Variants in ZNF546 observed in about 807,000 individuals in gnomAD.
ZNF546 encodes the protein CTC-471F3.6.
ZNF546 carries 60 observed loss-of-function variants against 76.2 expected under a neutral mutation model. The ratio of observed to expected loss-of-function variants is 0.79; its 90% CI spans 0.64 to 0.98. The LOEUF is 0.98. Ranked by LOEUF, ZNF546 falls within the 50% of genes least tolerant of loss-of-function variation. ZNF546 has a pLI of 0.00. For synonymous variants in ZNF546, 277 were observed against 328.1 expected (o/e 0.84, Z 1.68); for missense variants, 936 against 1,035.6 (o/e 0.90, Z 1.32).
rs577283530 is a variant in ZNF546 at position 40,018,538 on chromosome 19, A to G, written c.*2757A>G. On this transcript the variant is annotated 3_prime_UTR_variant, in exon 7 of 7. Transcript: ENST00000347077. ...TCCCATTCTGCATGTTCATCTTACA[A>G]TGTGATACCAACACTCCCCAAGAGG... The G allele has an allele frequency of 2.6e-5, 4 of 152,328 alleles. No homozygotes were observed. Among genetic ancestry groups the G allele is most frequent in the East Asian group, 3.9e-4 (2 of 5,188 alleles). The allele number at this position is 152,328 out of a possible 1,614,324, so 9.4% of individuals were successfully genotyped here. A position where few individuals can be genotyped will look rare whatever the true frequency, so the allele number is the denominator to read the frequency against.
Position 40,014,881 on chromosome 19 carries a change from A to G in ZNF546, c.1611A>G (p.Gln537=), listed in dbSNP as rs777728862. 3.7e-6 allele frequency: 6 copies of G among 1,613,632 alleles called. No homozygotes were observed. Among genetic ancestry groups the G allele is most frequent in the South Asian group, 1.1e-5 (1 of 91,072 alleles). The change falls in exon 7 of 7, where the codon CAA becomes CAG. Residue 537 remains glutamine, a synonymous_variant. Coordinates refer to ENST00000347077, the MANE Select transcript of ZNF546 (RefSeq NM_178544.5). ...CNECGKAFRL[Q]GELTRHHRIH... ...AATGTGGAAAAGCCTTTCGTCTTCA[A>G]GGAGAACTTACCCGACATCACAGAA...
At position 40,014,356 on chromosome 19, in the gene ZNF546, T is replaced by C. The variant is rs769129752; in HGVS notation, c.1086T>C (p.Cys362=). The C allele has an allele frequency of 6.2e-7, 1 of 1,613,972 alleles. No individual in the cohort carries two copies. The highest frequency in any genetic ancestry group is 8.5e-7 in the Non-Finnish European group (1 of 1,180,010). Residue 362 remains cysteine (C), a synonymous_variant, in exon 7 of 7, where the codon TGT becomes TGC. Transcript: ENST00000347077. ...AGAGGCCTTATGAATGTAAGGTTTG[T>C]GGCAAGACCTTTAGGGTACAACGAC... ...TGERPYECKV[C]GKTFRVQRHI... is the part of the protein sequence containing the mutation.
At chr19:40,002,608 G>A (rs1971543548) in intron 3 of ZNF546, among the ~76,000 whole-genome samples, 2 of 152,070 alleles carry the variant, frequency 1.3e-5, no homozygotes, top group African/African-American at 4.8e-5. Context: ...CCATGATGAT[G>A]GATTTGTTCT....
intron 6 of ZNF546, among the ~76,000 whole-genome samples, chr19:40,013,239 C>A (rs761180111): frequency 6.6e-6 from 1 of 152,170 alleles, no homozygotes; most frequent in African/African-American, 2.4e-5. Flanking sequence ...CCAAATAGCT[C>A]ACTGCCTGTT....
intron 6 of ZNF546, among the ~76,000 whole-genome samples, chr19:40,010,841 C>A (rs1971661740): frequency 6.6e-6 from 1 of 152,056 alleles, no homozygotes; most frequent in Non-Finnish European, 1.5e-5. Context: ...TGCCACCATG[C>A]CCAGCTAATT....
In ZNF546 at chr19:40,016,215, C is replaced by T. The variant is rs187296477; in HGVS notation, c.*434C>T. 4 of 185,880 alleles carry T rather than the reference C, an allele frequency of 2.2e-5. No homozygotes were observed. The highest frequency in any genetic ancestry group is 3.4e-5 in the Non-Finnish European group (3 of 88,922). 11.5% of individuals were successfully genotyped at this position (185,880 alleles called of 1,614,324 possible). ...GCTTGGTGACAGAGTGAGATCCTGT[C>T]TCTAAATAAATAAATAAAATGCGGG... On this transcript the variant is annotated 3_prime_UTR_variant, in exon 7 of 7. Transcript: ENST00000347077.
intron 5 of ZNF546, 35 bp downstream of exon 5, chr19:40,007,435 T>A (rs1439806513): frequency 1.9e-6 from 3 of 1,554,630 alleles, no homozygotes; most frequent in Non-Finnish European, 2.6e-6. Context: ...ACAATCTGTT[T>A]TCTGGAGTAT....
rs1054396146 is a variant in ZNF546 at position 40,017,265 on chromosome 19, T to C, written c.*1484T>C. The C allele has an allele frequency of 1.3e-5, 2 of 152,224 alleles. No homozygotes were observed. The highest frequency in any genetic ancestry group is 1.5e-5 in the Non-Finnish European group (1 of 68,038). The allele number at this position is 152,224 out of a possible 1,614,324, so 9.4% of individuals were successfully genotyped here. ...GAGTAAAGTTTTGAAGACTCAGGGA[T>C]AGCTGTAATGCTTTTTTCTTTTTAT... On this transcript the variant is annotated 3_prime_UTR_variant, in exon 7 of 7. Coordinates refer to ENST00000347077, the MANE Select transcript of ZNF546 (RefSeq NM_178544.5).
At chr19:40,004,532 G>C (rs747263306) in intron 3 of ZNF546, among the ~76,000 whole-genome samples, 2 of 152,108 alleles carry the variant, frequency 1.3e-5, no homozygotes, top group African/African-American at 4.8e-5. Context: ...GCCTCCCAGC[G>C]TGCTAGGATT....
rs757864021 is a variant in ZNF546 at position 40,008,546 on chromosome 19, G to A, written c.375G>A (p.Gly125=). Residue 125 remains glycine, a synonymous_variant, in exon 6 of 7, where the codon GGG becomes GGA. Coordinates refer to ENST00000347077, the MANE Select transcript of ZNF546 (RefSeq NM_178544.5). ...EKEPWIVMRE[G]TRNWFTDLEY... ...AGCCCTGGATAGTAATGAGGGAAGG[G>A]ACAAGGAATTGGTTCACAGGTGAGT... 6 of 1,613,022 alleles carry A rather than the reference G, an allele frequency of 3.7e-6. No homozygotes were observed. In the Admixed American group the frequency reaches 8.3e-5, roughly 22 times the overall value.
rs1971766071 is a variant in ZNF546, at chr19:40,016,226, TA to T, written c.*448del. 5.5e-6 allele frequency: 1 copy of T among 181,378 alleles called. No individual in the cohort carries two copies. Among genetic ancestry groups the T allele is most frequent in the South Asian group, 1.1e-4 (1 of 8,888 alleles). 11.2% of individuals were successfully genotyped at this position (181,378 alleles called of 1,614,324 possible). On this transcript the variant is annotated 3_prime_UTR_variant, in exon 7 of 7. Coordinates refer to ENST00000347077, the MANE Select transcript of ZNF546 (RefSeq NM_178544.5). ...GAGTGAGATCCTGTCTCTAAATAAATAAATAAAATGCGGGCCAGGCACAGTG... is the reference window on the plus strand; with the variant it reads ...GAGTGAGATCCTGTCTCTAAATAAATAATAAAATGCGGGCCAGGCACAGTG...
chr19:40,015,275 GA>G lies in ZNF546; in HGVS notation c.2007del (p.Glu669AspfsTer101). ...TGGTGAGAAACCCTACGAATGTACG[GA>G]ATGTGGGAAGACGTTTAGTCGGCAC... ...HTGEKPYECT[E>X]CGKTFSRHYH... On this transcript the variant is annotated frameshift_variant, in exon 7 of 7. Transcript: ENST00000347077. LOFTEE classifies it high-confidence loss of function. 6.2e-7 allele frequency: 1 copy of G among 1,614,086 alleles called. No individual in the cohort carries two copies. Among genetic ancestry groups the G allele is most frequent in the Non-Finnish European group, 8.5e-7 (1 of 1,180,008 alleles).
rs767152130 is a variant in ZNF546, at chr19:40,020,250, T to A, written c.*4469T>A. The A allele has an allele frequency of 1.3e-5, 2 of 152,198 alleles. No individual in the cohort carries two copies. Among genetic ancestry groups the A allele is most frequent in the Non-Finnish European group, 2.9e-5 (2 of 68,016 alleles). 9.4% of individuals were successfully genotyped at this position (152,198 alleles called of 1,614,324 possible). On this transcript the variant is annotated 3_prime_UTR_variant, in exon 7 of 7. Transcript: ENST00000347077. ...CCATTGTCAACCAAAATGTCTGTGA[T>A]CTCATGGATCCATTATGATTTGCAA...
At chr19:40,004,052 G>A (rs1322332814) in intron 3 of ZNF546, among the ~76,000 whole-genome samples, 2 of 137,048 alleles carry the variant, frequency 1.5e-5, no homozygotes, top group Non-Finnish European at 3.0e-5. Flanking sequence ...ATATTTATAT[G>A]TATTTATATA....
rs368333593 is a variant in ZNF546, at chr19:40,018,412, C to A, written c.*2631C>A. The A allele has an allele frequency of 1.3e-5, 2 of 152,166 alleles. No individual in the cohort carries two copies. Among genetic ancestry groups the A allele is most frequent in the South Asian group, 4.1e-4 (2 of 4,834 alleles). 9.4% of individuals were successfully genotyped at this position (152,166 alleles called of 1,614,324 possible). A position where few individuals can be genotyped will look rare whatever the true frequency, so the allele number is the denominator to read the frequency against. ...AGAAATTTTGTATTTCAATTTGTAACCCATTAGGTGGCATACAATGTCATT... is the reference window on the plus strand; with the variant it reads ...AGAAATTTTGTATTTCAATTTGTAAACCATTAGGTGGCATACAATGTCATT... On this transcript the variant is annotated 3_prime_UTR_variant, in exon 7 of 7. Transcript: ENST00000347077.
chr19:40,001,276 G>A (rs2144636772), intron 3 of ZNF546, among the ~76,000 whole-genome samples: 1 of 152,244 alleles, frequency 6.6e-6, no homozygotes, highest in South Asian at 2.1e-4. Context: ...GGGGGTTGGG[G>A]ACCCCTGCCT....
At chr19:40,012,294 T>C (rs1971682063) in intron 6 of ZNF546, among the ~76,000 whole-genome samples, 1 of 152,208 alleles carries the variant, frequency 6.6e-6, no homozygotes, top group Non-Finnish European at 1.5e-5. Context: ...CAAAAATGAC[T>C]TTTCCATTTA....
chr19:40,002,075 A>G (rs1407359793), intron 3 of ZNF546, among the ~76,000 whole-genome samples: 1 of 152,178 alleles, frequency 6.6e-6, no homozygotes, highest in Non-Finnish European at 1.5e-5. Flanking sequence ...ATTAATGACA[A>G]CGTTATAACC....
At chr19:39,998,488 T>C in intron 3 of ZNF546, 78 bp downstream of exon 3, 1 of 1,207,766 alleles carries the variant, frequency 8.3e-7, no homozygotes, top group Non-Finnish European at 1.2e-6. Context: ...AATCACATCA[T>C]CCATCTTCTC....
Sources: gnomAD v4.1 joint callset for allele counts (sites outside exome capture counted in the v4.1 genomes callset) on GRCh38, gnomAD v4.1.1 for gene constraint, MANE v1.5 for transcripts, NCBI Gene and HGNC (gene_info 2026-07-23, HGNC 2026-07-21) for gene names.